Variants in CHDH observed in about 807,000 individuals in gnomAD.
CHDH encodes the protein choline dehydrogenase.
Under a neutral mutation model 56.9 loss-of-function variants are expected in CHDH, and 43 were observed. The observed-to-expected ratio is 0.76, with a 90% CI of 0.59 to 0.97. The LOEUF (loss-of-function observed/expected upper bound fraction) is 0.97, where lower values mean the gene tolerates loss of function less well. Among genes scored for constraint, CHDH ranks in the 50% least tolerant of loss-of-function variants. The pLI is 0.00. For missense variants in CHDH, 816 were observed against 821.1 expected (o/e 0.99, Z 0.08); for synonymous variants, 364 against 348.5 (o/e 1.04, Z -0.50).
chr3:53,828,790 A>G (rs9812916), intron 2 of CHDH, among the ~76,000 whole-genome samples: 13,217 of 152,216 alleles, frequency 0.087, 1,400 homozygotes, highest in African/African-American at 0.24. Context: ...TTTCATTCAT[A>G]GCTGGTGGGA....
intron 2 of CHDH, among the ~76,000 whole-genome samples, chr3:53,828,209 T>C (rs957380943): frequency 1.7e-4 from 24 of 137,862 alleles, no homozygotes; most frequent in African/African-American, 6.4e-4. Context: ...AGAGTAAATA[T>C]AGACAAAGAC....
In CHDH at chr3:53,822,681, C is replaced by T. The variant is rs564884813; in HGVS notation, c.704-39G>A. 1.9e-6 allele frequency: 3 copies of T among 1,587,388 alleles called. No homozygotes were observed. In the East Asian group the frequency reaches 6.8e-5, roughly 36 times the overall value. The stretch of plus-strand genomic sequence containing the variant: ...TGAGGTGGTCAGGCATGGCTCCGCC[C>T]TCCCCTGGCACCTGGGCAGGAGGAA... On this transcript the variant is annotated intron_variant, in intron 3 of 8. Transcript: ENST00000315251.
chr3:53,823,196 C>G (rs924211931), intron 3 of CHDH, 110 bp downstream of exon 3: 302 of 1,023,902 alleles, frequency 2.9e-4, no homozygotes, highest in Non-Finnish European at 6.9e-5. Flanking sequence ...CCTCAGTCTG[C>G]CCATGCCTCC....
rs1389333191 is a variant in CHDH, at chr3:53,846,134, G to A, written c.-182C>T. On this transcript the variant is annotated 5_prime_UTR_variant, in exon 1 of 9. Coordinates refer to ENST00000315251, the MANE Select transcript of CHDH (RefSeq NM_018397.5). ...CAGTCGGGACCGGAGCGGGAGGAGC[G>A]GGTGGCCGCGGCCCGGCCCCTGCCC... The A allele has an allele frequency of 6.5e-6, 1 of 153,594 alleles. No homozygotes were observed. Among genetic ancestry groups the A allele is most frequent in the African/African-American group, 2.4e-5 (1 of 41,488 alleles). The allele number at this position is 153,594 out of a possible 1,614,324, so 9.5% of individuals were successfully genotyped here.
chr3:53,820,275 T>C (rs2106957880), intron 6 of CHDH, among the ~76,000 whole-genome samples, 199 bp downstream of exon 6: 1 of 152,288 alleles, frequency 6.6e-6, no homozygotes, highest in South Asian at 2.1e-4. Flanking sequence ...TGTGCTATTG[T>C]TTCTGGTCCT....
rs766113271 is a variant in CHDH, at chr3:53,820,490, C to A, written c.1104G>T (p.Trp368Cys). ...CGTGCTCACCTGTGAATTTCCAGAGCCACTCCAGACCAATGCAGACCTTCC... is the reference window on the plus strand; with the variant it reads ...CGTGCTCACCTGTGAATTTCCAGAGACACTCCAGACCAATGCAGACCTTCC... ...PLRKVCIGLEWLWKFTGEGAT... is the reference protein window; with the variant it reads ...PLRKVCIGLECLWKFTGEGAT... Residue 368 changes from tryptophan to cysteine, a missense_variant, in exon 6 of 9, where the codon TGG becomes TGT. Trp to Cys is a radical substitution (Grantham distance 215). Coordinates refer to ENST00000315251, the MANE Select transcript of CHDH (RefSeq NM_018397.5). The A allele has an allele frequency of 1.9e-6, 3 of 1,612,430 alleles. No homozygotes were observed. The East Asian group carries it at 6.7e-5, about 36-fold the overall frequency.
intron 2 of CHDH, among the ~76,000 whole-genome samples, chr3:53,838,159 G>A (rs78646172): frequency 0.019 from 2,913 of 151,752 alleles, 102 homozygotes; most frequent in African/African-American, 0.065. Flanking sequence ...CAACCTCCAC[G>A]GATGGCTCCT....
At position 53,820,550 on chromosome 3, in the gene CHDH, G is replaced by A. The variant is rs769911990; in HGVS notation, c.1044C>T (p.Arg348=). 1.7e-5 allele frequency: 28 copies of A among 1,613,994 alleles called. No homozygotes were observed. The African/African-American group carries it at 1.7e-4, about 10-fold the overall frequency. The change falls in exon 6 of 9, where the codon CGC becomes CGT. Residue 348 remains arginine (R), a synonymous_variant. Coordinates refer to ENST00000315251, the MANE Select transcript of CHDH (RefSeq NM_018397.5). ...LEIYIQQACT[R]PITLHSAQKP... ...TCTGTGCTGAATGGAGGGTGATAGG[G>A]CGGGTGCATGCCTGCTGAATGTAGA...
chr3:53,820,377 T>G (rs1293040569), intron 6 of CHDH, 97 bp downstream of exon 6: 1 of 1,430,322 alleles, frequency 7.0e-7, no homozygotes, highest in African/African-American at 1.4e-5. Context: ...TAGTTCCGCA[T>G]CAAACCCAGT....
chr3:53,822,773 T>C (rs1318860152), intron 3 of CHDH, 131 bp from the exon 4 acceptor site: 20 of 1,228,092 alleles, frequency 1.6e-5, no homozygotes, highest in Non-Finnish European at 1.9e-5. Flanking sequence ...AAAGTAAAGC[T>C]GAGACGGAAA....
At chr3:53,842,945 C>T (rs1273262298) in intron 1 of CHDH, among the ~76,000 whole-genome samples, 1 of 152,196 alleles carries the variant, frequency 6.6e-6, no homozygotes, top group Non-Finnish European at 1.5e-5. Context: ...CCAGAAACGG[C>T]TCACTCTTCA....
At chr3:53,821,955 GCAAC>G (rs2095627374) in intron 4 of CHDH, among the ~76,000 whole-genome samples, 179 bp from the exon 5 acceptor site, 1 of 152,186 alleles carries the variant, frequency 6.6e-6, no homozygotes, top group Non-Finnish European at 1.5e-5. Flanking sequence ...CTACTTGAAA[GCAAC>G]CAGCAGGTGC....
At position 53,833,604 on chromosome 3, in the gene CHDH, T is replaced by C. The variant is rs546502559; in HGVS notation, c.-60+7325A>G. Among the ~76,000 whole-genome samples, 405 of 152,292 alleles carry C rather than the reference T, an allele frequency of 2.7e-3. 2 individuals carry two copies. The highest frequency in any genetic ancestry group is 9.2e-3 in the African/African-American group (383 of 41,562). On this transcript the variant is annotated intron_variant, in intron 2 of 8. Coordinates refer to ENST00000315251, the MANE Select transcript of CHDH (RefSeq NM_018397.5). ...AAAAACAGGATAGCATGCGTGTTCA[T>C]TTCCATGTGTTGGGGTCGGAGTCCT...
At chr3:53,821,026 A>AC (rs2095625342) in intron 5 of CHDH, among the ~76,000 whole-genome samples, 1 of 152,206 alleles carries the variant, frequency 6.6e-6, no homozygotes, top group African/African-American at 2.4e-5. Flanking sequence ...GTCGTGCTAC[A>AC]CCGTCCTTGC....
chr3:53,824,105 G>T, intron 2 of CHDH, 38 bp from the exon 3 acceptor site: 1 of 1,211,172 alleles, frequency 8.3e-7, no homozygotes, highest in Non-Finnish European at 1.1e-6. Flanking sequence ...TCTTAACTCC[G>T]CATATCCAGG....
At chr3:53,831,232 C>T (rs1407329132) in intron 2 of CHDH, among the ~76,000 whole-genome samples, 4 of 152,256 alleles carry the variant, frequency 2.6e-5, no homozygotes, top group Admixed American at 1.3e-4. Flanking sequence ...TGAGTGCCAG[C>T]TCAGCTACAG....
At position 53,819,104 on chromosome 3, in the gene CHDH, C is replaced by T. The variant is rs2095621204; in HGVS notation, c.1264-64G>A. ...AGACATCCACAGTGACCTCTGTCAA[C>T]CCTGGTTTACCTGTAGGGTGGGCCT... On this transcript the variant is annotated intron_variant, in intron 7 of 8. Transcript: ENST00000315251. This position sits in a 1 kb window ranked among gnomAD's most constrained non-coding sequence, Gnocchi z 5.4. 2 of 1,126,214 alleles carry T rather than the reference C, an allele frequency of 1.8e-6. No homozygotes were observed. The highest frequency in any genetic ancestry group is 1.9e-5 in the Admixed American group (1 of 52,850). The allele number at this position is 1,126,214 out of a possible 1,614,324, so 69.8% of individuals were successfully genotyped here.
intron 4 of CHDH, 126 bp from the exon 5 acceptor site, chr3:53,821,902 C>CGGGACA (rs1173887477): frequency 1.6e-6 from 2 of 1,230,816 alleles, no homozygotes; most frequent in Non-Finnish European, 2.2e-6. Flanking sequence ...GTGGCACACC[C>CGGGACA]GGGACAGGCC....
rs1454409747 is a variant in CHDH at position 53,812,957 on chromosome 3, T to C, written c.*4820A>G. The C allele has an allele frequency of 1.3e-5, 2 of 152,204 alleles. No individual in the cohort carries two copies. Among genetic ancestry groups the C allele is most frequent in the African/African-American group, 4.8e-5 (2 of 41,442 alleles). 9.4% of individuals were successfully genotyped at this position (152,204 alleles called of 1,614,324 possible). A position where few individuals can be genotyped will look rare whatever the true frequency, so the allele number is the denominator to read the frequency against. Reference sequence around the variant, plus strand: ...AATGCACTCACACTCTGACTGTACGTCCTGATGAAAACCCACTTTTGGATA... The same window carrying C: ...AATGCACTCACACTCTGACTGTACGCCCTGATGAAAACCCACTTTTGGATA... On this transcript the variant is annotated 3_prime_UTR_variant, in exon 9 of 9. Coordinates refer to ENST00000315251, the MANE Select transcript of CHDH (RefSeq NM_018397.5).
Sources: gnomAD v4.1 joint callset for allele counts (sites outside exome capture counted in the v4.1 genomes callset) on GRCh38, gnomAD v4.1.1 for gene constraint, Gnocchi (gnomAD v3.1) non-coding constraint, MANE v1.5 for transcripts, NCBI Gene and HGNC (gene_info 2026-07-23, HGNC 2026-07-21) for gene names.